Variants in DUOX1 observed in about 807,000 individuals in gnomAD.
DUOX1 encodes the protein NADPH thyroid oxidase 1.
Under a neutral mutation model 181.8 loss-of-function variants are expected in DUOX1, and 134 were observed. The ratio of observed to expected loss-of-function variants is 0.74; its 90% CI spans 0.64 to 0.85. DUOX1 has a LOEUF of 0.85. DUOX1 is among the 40% of genes least tolerant of loss of function. The probability of loss-of-function intolerance (pLI) is 0.00; values close to 1 mark genes in which losing one functional copy is unlikely to be tolerated. For synonymous variants in DUOX1, 798 were observed against 832.5 expected, an observed-to-expected ratio of 0.96 and a Z score of 0.71; for missense variants, 1,814 against 2,064.4, an observed-to-expected ratio of 0.88 and a Z score of 2.35.
chr15:45,147,389 A>G (rs778533075), intron 18 of DUOX1, 44 bp from the exon 19 acceptor site: 6 of 1,591,538 alleles, frequency 3.8e-6, no homozygotes, highest in Non-Finnish European at 4.3e-6. Context: ...CAAGTCAAGG[A>G]AGCCTTGTCT....
intron 20 of DUOX1, 103 bp from the exon 21 acceptor site, chr15:45,148,169 C>T (rs1896703838): frequency 1.9e-6 from 3 of 1,567,054 alleles, no homozygotes; most frequent in Non-Finnish European, 2.6e-6. Context: ...GTCGGGGCCC[C>T]TCCACATGGG....
At chr15:45,145,777 T>C (rs1896637251) in intron 18 of DUOX1, among the ~76,000 whole-genome samples, 1 of 151,856 alleles carries the variant, frequency 6.6e-6, no homozygotes, top group Non-Finnish European at 1.5e-5. Flanking sequence ...TAGCCGGGTG[T>C]GGTGGCGGGT....
At position 45,152,319 on chromosome 15, in the gene DUOX1, C is replaced by G. The variant is rs778642532; in HGVS notation, c.3227C>G (p.Thr1076Arg). ...YAFAAHHTGI[T>R]DTTRVGIILS... ...TTTGCCGCACATCACACGGGCATCA[C>G]AGACACCACCCGCGTGGGAATCATC... is the stretch of plus-strand genomic sequence containing the variant. Residue 1076 changes from threonine (T) to arginine (R), a missense_variant, in exon 25 of 34, where the codon ACA becomes AGA. Transcript: ENST00000389037. The G allele has an allele frequency of 6.8e-6, 11 of 1,614,124 alleles. No homozygotes were observed. The highest frequency in any genetic ancestry group is 1.7e-5 in the Admixed American group (1 of 60,030).
At chr15:45,132,449 A>G (rs1268007814) in intron 2 of DUOX1, among the ~76,000 whole-genome samples, 1 of 152,226 alleles carries the variant, frequency 6.6e-6, no homozygotes, top group African/African-American at 2.4e-5. Context: ...TTATGATGAA[A>G]AACAAAAGCA....
chr15:45,142,492 G>A (rs540303370), intron 15 of DUOX1, among the ~76,000 whole-genome samples: 6 of 152,280 alleles, frequency 3.9e-5, no homozygotes, highest in African/African-American at 7.2e-5. Context: ...TTGAGAGGCC[G>A]AGGCAGGCGG....
intron 29 of DUOX1, 86 bp downstream of exon 29, chr15:45,161,076 C>A (rs373574193): frequency 2.5e-6 from 4 of 1,577,648 alleles, no homozygotes; most frequent in South Asian, 1.1e-5. Context: ...GTCTCCTGGT[C>A]GGGCCCAGTG....
At chr15:45,158,986 G>T (rs1447096560) in intron 28 of DUOX1, among the ~76,000 whole-genome samples, 1 of 152,212 alleles carries the variant, frequency 6.6e-6, no homozygotes, top group African/African-American at 2.4e-5. Flanking sequence ...ACTTTGAGGA[G>T]AAGACTGGAC....
At chr15:45,147,310 G>A (rs958525846) in intron 18 of DUOX1, 123 bp from the exon 19 acceptor site, 4 of 1,276,990 alleles carry the variant, frequency 3.1e-6, no homozygotes, top group Non-Finnish European at 4.3e-6. Flanking sequence ...ACCACCATAA[G>A]GCCTCCTAGC....
In DUOX1 at chr15:45,131,875, C is replaced by A. The variant is rs540425542; in HGVS notation, c.-49-43C>A. 70 of 1,390,378 alleles carry A rather than the reference C, an allele frequency of 5.0e-5. 2 individuals carry two copies. Among genetic ancestry groups the A allele is most frequent in the Admixed American group, 1.4e-4 (8 of 58,854 alleles). The allele number at this position is 1,390,378 out of a possible 1,614,324, so 86.1% of individuals were successfully genotyped here. ...GGCCTGCAGAGTCTTTCACCTGATTCTTCTGAGTAGCTGGGGCTCATTCTT... is the reference window on the plus strand; with the variant it reads ...GGCCTGCAGAGTCTTTCACCTGATTATTCTGAGTAGCTGGGGCTCATTCTT... On this transcript the variant is annotated intron_variant, in intron 1 of 33. Transcript: ENST00000389037.
chr15:45,140,685 C>A, intron 12 of DUOX1: 1 of 484,736 alleles, frequency 2.1e-6, no homozygotes, highest in Non-Finnish European at 3.6e-6. Flanking sequence ...AAATAGGCAG[C>A]TGAATGTGTG....
At chr15:45,138,061 C>A in intron 10 of DUOX1, 47 bp downstream of exon 10, 3 of 1,240,524 alleles carry the variant, frequency 2.4e-6, no homozygotes, top group Non-Finnish European at 3.4e-6. Context: ...TGTGTGCATG[C>A]TTATGTGTGT....
intron 1 of DUOX1, 26 bp from the exon 2 acceptor site, chr15:45,131,892 C>T (rs1176289415): frequency 6.8e-7 from 1 of 1,477,834 alleles, no homozygotes; most frequent in African/African-American, 1.4e-5. Context: ...GTAGCTGGGG[C>T]TCATTCTTTG....
intron 10 of DUOX1, 58 bp downstream of exon 10, chr15:45,138,072 G>GTA (rs1896378609): frequency 2.0e-6 from 2 of 995,662 alleles, no homozygotes; most frequent in Middle Eastern, 2.6e-4. Flanking sequence ...TTATGTGTGT[G>GTA]TGTGTATGTG....
At position 45,139,451 on chromosome 15, in the gene DUOX1, T is replaced by G; in HGVS notation, c.1241T>G (p.Phe414Cys). ...VRDFWPGPLK[F>C]SRTDHLASCL... ...GATTTCTGGCCTGGGCCACTGAAGT[T>G]TTCCCGCACAGACCACCTGGCCAGC... The change falls in exon 12 of 34, where the codon TTT (phenylalanine) becomes TGT (cysteine). Residue 414 changes from phenylalanine to cysteine, a missense_variant. Phe to Cys is a radical substitution (Grantham distance 205). Coordinates refer to ENST00000389037, the MANE Select transcript of DUOX1 (RefSeq NM_175940.3). 3 of 1,612,522 alleles carry G rather than the reference T, an allele frequency of 1.9e-6. No homozygotes were observed. In the East Asian group the frequency reaches 6.7e-5, roughly 36 times the overall value.
chr15:45,151,718 T>TGA, intron 23 of DUOX1, 156 bp from the exon 24 acceptor site: 1 of 734,000 alleles, frequency 1.4e-6, no homozygotes, highest in Non-Finnish European at 2.2e-6. Context: ...CCTGATGCGG[T>TGA]GAGGTCTGAA....
At position 45,139,300 on chromosome 15, in the gene DUOX1, T is replaced by A. The variant is rs369795692; in HGVS notation, c.1217-127T>A. ...GCACTGCACTCACTGATGAAAGAGCTTCTGACATGCTGACCATGGCTCCTT... is the reference window on the plus strand; with the variant it reads ...GCACTGCACTCACTGATGAAAGAGCATCTGACATGCTGACCATGGCTCCTT... On this transcript the variant is annotated intron_variant, in intron 11 of 33. Transcript: ENST00000389037. The A allele has an allele frequency of 1.5e-4, 238 of 1,593,744 alleles. 4 individuals carry two copies. The South Asian group carries it at 2.6e-3, about 17-fold the overall frequency.
rs1595589359 is a variant in DUOX1 at position 45,151,824 on chromosome 15, G to C, written c.3015-50G>C. 8 of 1,564,598 alleles carry C rather than the reference G, an allele frequency of 5.1e-6. No individual in the cohort carries two copies. In the East Asian group the frequency reaches 1.1e-4, roughly 22 times the overall value. On this transcript the variant is annotated intron_variant, in intron 23 of 33. Transcript: ENST00000389037. ...ACCTCCGTGAAGTGGGGCCCCACTA[G>C]CGTTGGGTCCCATGGTGGGTGCCAA...
intron 10 of DUOX1, chr15:45,138,710 A>T: frequency 9.7e-6 from 2 of 205,978 alleles, no homozygotes; most frequent in Non-Finnish European, 1.9e-5. Flanking sequence ...AAGGAAACTG[A>T]GTTCAGAGAG....
chr15:45,153,648 C>T (rs1171034069), intron 26 of DUOX1, 169 bp downstream of exon 26: 6 of 749,658 alleles, frequency 8.0e-6, no homozygotes, highest in Non-Finnish European at 1.4e-5. Context: ...GCCTGAGCCC[C>T]TAATGCCAAG....
Sources: allele counts gnomAD v4.1 joint callset (sites outside exome capture counted in the v4.1 genomes callset), GRCh38; gene constraint gnomAD v4.1.1; transcripts MANE v1.5; gene names NCBI Gene and HGNC (gene_info 2026-07-23, HGNC 2026-07-21).